The following PXDNL variants were observed in gnomAD, a reference collection of about 807,000 sequenced individuals.
PXDNL encodes peroxidasin like, also known as probable oxidoreductase PXDNL.
Under a neutral mutation model 150.8 loss-of-function variants are expected in PXDNL, and 145 were observed. The observed-to-expected ratio is 0.96, with a 90% CI of 0.84 to 1.10. The LOEUF (loss-of-function observed/expected upper bound fraction) is 1.10, where lower values mean the gene tolerates loss of function less well. PXDNL is among the 50% of genes least tolerant of loss of function. The pLI, the probability that PXDNL is intolerant of heterozygous loss-of-function variation, is 0.00. For missense variants in PXDNL, 2,087 were observed against 1,873.9 expected (o/e 1.11, Z -2.10); for synonymous variants, 757 against 725.7 (o/e 1.04, Z -0.69).
rs540330723 is a variant in PXDNL, at chr8:51,600,610, T to C, written c.237-7912A>G. Among the ~76,000 whole-genome samples, 514 of 136,728 alleles carry C rather than the reference T, an allele frequency of 3.8e-3. 3 individuals are homozygous for C. The highest frequency in any genetic ancestry group is 5.7e-3 in the Non-Finnish European group (376 of 65,522). The allele number at this position is 136,728 out of a possible 152,430, so 89.7% of individuals were successfully genotyped here. A position where few individuals can be genotyped will look rare whatever the true frequency, so the allele number is the denominator to read the frequency against. On this transcript the variant is annotated intron_variant, in intron 2 of 22. Coordinates refer to ENST00000356297, the MANE Select transcript of PXDNL (RefSeq NM_144651.5). ...TCTTATATAAATTATATCGTTTAGA[T>C]AATAAATTATATCTTATATAAATTA...
At chr8:51,387,716 T>C (rs1282625662) in intron 17 of PXDNL, among the ~76,000 whole-genome samples, 1 of 152,236 alleles carries the variant, frequency 6.6e-6, no homozygotes. Flanking sequence ...GATGTTTCTA[T>C]TTCAAAACCG....
rs551004139 is a variant in PXDNL at position 51,742,502 on chromosome 8, G to T, written c.164+66679C>A. On this transcript the variant is annotated intron_variant, in intron 1 of 22. Coordinates refer to ENST00000356297, the MANE Select transcript of PXDNL (RefSeq NM_144651.5). ...ACGTTAGTTACCATTAAGGGATACCGAGTGACTGGTATACAAGATCTCTCT... is the reference window on the plus strand; with the variant it reads ...ACGTTAGTTACCATTAAGGGATACCTAGTGACTGGTATACAAGATCTCTCT... Among the ~76,000 whole-genome samples, 3 of 152,038 alleles carry T rather than the reference G, an allele frequency of 2.0e-5. No homozygotes were observed. In the East Asian group the frequency reaches 5.8e-4, roughly 29 times the overall value.
intron 14 of PXDNL, among the ~76,000 whole-genome samples, chr8:51,415,219 G>C (rs566651908): frequency 6.6e-6 from 1 of 152,320 alleles, no homozygotes; most frequent in South Asian, 2.1e-4. Context: ...AGGAATTGTA[G>C]AAAATTGGTT....
At chr8:51,348,595 T>C (rs1806234195) in intron 19 of PXDNL, among the ~76,000 whole-genome samples, 1 of 152,246 alleles carries the variant, frequency 6.6e-6, no homozygotes, top group Non-Finnish European at 1.5e-5. Flanking sequence ...GTATAGTAGA[T>C]GCTTTGATTT....
chr8:51,392,372 C>T (rs530227370), intron 17 of PXDNL, among the ~76,000 whole-genome samples: 2 of 152,266 alleles, frequency 1.3e-5, no homozygotes, highest in African/African-American at 4.8e-5. Context: ...TATCCATGAG[C>T]ATGGAATGTT....
At chr8:51,614,047 T>C (rs1814078847) in intron 2 of PXDNL, among the ~76,000 whole-genome samples, 1 of 152,226 alleles carries the variant, frequency 6.6e-6, no homozygotes, top group East Asian at 1.9e-4. Flanking sequence ...TTGTGCCATC[T>C]TCATATTTTG....
At position 51,408,232 on chromosome 8, in the gene PXDNL, T is replaced by C. The variant is rs768885889; in HGVS notation, c.3392A>G (p.Tyr1131Cys). Residue 1131 changes from tyrosine to cysteine, a missense_variant, in exon 17 of 23, where the codon TAT (tyrosine) becomes TGT (cysteine). By Grantham distance (194) the Tyr-to-Cys change is radical. Coordinates refer to ENST00000356297, the MANE Select transcript of PXDNL (RefSeq NM_144651.5). Reference protein sequence around the residue: ...ELTQRLFSAAYSAAVDSAATI... With the variant: ...ELTQRLFSAACSAAVDSAATI... Reference sequence around the variant, plus strand: ...GGCAGCCGAATCCACGGCCGCAGAATAAGCCGCGGAGAAGAGCCTCTGGGT... The same window carrying C: ...GGCAGCCGAATCCACGGCCGCAGAACAAGCCGCGGAGAAGAGCCTCTGGGT... 4.5e-5 allele frequency: 72 copies of C among 1,613,740 alleles called. No individual in the cohort carries two copies. The highest frequency in any genetic ancestry group is 4.0e-4 in the Admixed American group (24 of 60,004).
chr8:51,795,530 C>G (rs909811408), intron 1 of PXDNL, among the ~76,000 whole-genome samples: 3 of 152,106 alleles, frequency 2.0e-5, no homozygotes, highest in African/African-American at 7.2e-5. Context: ...ATTGAACAAC[C>G]TGCTCCTGAA....
At chr8:51,612,699 G>A (rs577161712) in intron 2 of PXDNL, among the ~76,000 whole-genome samples, 58 of 152,318 alleles carry the variant, frequency 3.8e-4, no homozygotes, top group African/African-American at 1.4e-3. Flanking sequence ...GAGGACACAG[G>A]GAGAAGTTGG....
intron 3 of PXDNL, among the ~76,000 whole-genome samples, chr8:51,575,370 T>A (rs952575419): frequency 6.6e-6 from 1 of 151,664 alleles, no homozygotes; most frequent in Non-Finnish European, 1.5e-5. Context: ...GAAAAAAAAT[T>A]AAAATGTGAA....
chr8:51,550,934 C>T (rs1244765335), intron 4 of PXDNL, among the ~76,000 whole-genome samples: 1 of 152,152 alleles, frequency 6.6e-6, no homozygotes, highest in East Asian at 1.9e-4. Context: ...ATCCAAAGAG[C>T]TCTTAGATCT....
chr8:51,674,551 A>G (rs765687300), intron 1 of PXDNL, among the ~76,000 whole-genome samples: 1 of 152,214 alleles, frequency 6.6e-6, no homozygotes, highest in Non-Finnish European at 1.5e-5. Context: ...TTCTCTAGGG[A>G]AAGCAGCACA....
intron 21 of PXDNL, among the ~76,000 whole-genome samples, chr8:51,339,275 C>T (rs1326122011): frequency 1.3e-5 from 2 of 152,208 alleles, no homozygotes; most frequent in Non-Finnish European, 2.9e-5. Flanking sequence ...GCCTGGCCAA[C>T]ATGGCCAAAC....
intron 1 of PXDNL, among the ~76,000 whole-genome samples, chr8:51,795,723 A>G (rs2037553534): frequency 6.6e-6 from 1 of 152,194 alleles, no homozygotes; most frequent in Admixed American, 6.5e-5. Flanking sequence ...CCCTGACCCA[A>G]TGATGGATGA....
chr8:51,401,731 C>A (rs1414322167), intron 17 of PXDNL, among the ~76,000 whole-genome samples: 1 of 152,156 alleles, frequency 6.6e-6, no homozygotes, highest in East Asian at 1.9e-4. Context: ...TGAAAATACA[C>A]ACAGATTTGG....
intron 1 of PXDNL, among the ~76,000 whole-genome samples, chr8:51,672,188 C>T (rs1016800256): frequency 2.0e-5 from 3 of 152,176 alleles, no homozygotes; most frequent in African/African-American, 7.2e-5. Flanking sequence ...ACCATGTTGG[C>T]CAGGCTGGTC....
chr8:51,410,416 T>C (rs1188574815), intron 16 of PXDNL, among the ~76,000 whole-genome samples: 3 of 152,224 alleles, frequency 2.0e-5, no homozygotes, highest in Non-Finnish European at 4.4e-5. Flanking sequence ...TGAGATATCT[T>C]AATCTTGGGT....
chr8:51,543,710 C>CAAAAAAA (rs572642373), intron 4 of PXDNL, among the ~76,000 whole-genome samples: 30 of 60,282 alleles, frequency 5.0e-4, no homozygotes, highest in Middle Eastern at 0.01. Context: ...GACTCCATAT[C>CAAAAAAA]AAAAAAAAAA....
chr8:51,417,899 T>C (rs1808839424), intron 14 of PXDNL, among the ~76,000 whole-genome samples: 1 of 152,238 alleles, frequency 6.6e-6, no homozygotes, highest in South Asian at 2.1e-4. Context: ...TCCACTGTTT[T>C]TTCAGAGACT....
Sources: gnomAD v4.1 joint callset for allele counts (sites outside exome capture counted in the v4.1 genomes callset) on GRCh38, gnomAD v4.1.1 for gene constraint, MANE v1.5 for transcripts, NCBI Gene and HGNC (gene_info 2026-07-23, HGNC 2026-07-21) for gene names.